MAGI2: variants seen among roughly 807,000 people sequenced by gnomAD.
The protein encoded by MAGI2 is membrane associated guanylate kinase, WW and PDZ domain containing 2, also known as membrane-associated guanylate kinase, WW and PDZ domain-containing protein 2.
A neutral mutation model predicts 133.3 loss-of-function variants in MAGI2; 35 were observed. The observed-to-expected ratio is 0.26, with a 90% CI of 0.20 to 0.35. MAGI2 has a LOEUF of 0.35. Ranked by LOEUF, MAGI2 falls within the 10% of genes least tolerant of loss-of-function variation. The pLI, the probability that MAGI2 is intolerant of heterozygous loss-of-function variation, is 1.00. For missense variants in MAGI2, 1,636 were observed against 1,863.4 expected (o/e 0.88, Z 2.25); for synonymous variants, 729 against 710.6 (o/e 1.03, Z -0.41).
intron 20 of MAGI2, among the ~76,000 whole-genome samples, chr7:78,112,578 C>T (rs1260107305): frequency 2.6e-5 from 4 of 152,344 alleles, no homozygotes; most frequent in Non-Finnish European, 4.4e-5. Flanking sequence ...CCTGGTTCAT[C>T]AGGTATCTTT....
chr7:78,507,501 A>G (rs1795192094), intron 4 of MAGI2, among the ~76,000 whole-genome samples: 1 of 152,182 alleles, frequency 6.6e-6, no homozygotes, highest in African/African-American at 2.4e-5. Context: ...TCTTCTGGGC[A>G]GAGTGAGTAA....
chr7:79,079,947 A>G (rs1410443286), intron 1 of MAGI2, among the ~76,000 whole-genome samples: 1 of 152,144 alleles, frequency 6.6e-6, no homozygotes, highest in East Asian at 1.9e-4. Context: ...AGGTACTAAC[A>G]TAATTATGTT....
chr7:79,449,173 C>A (rs1002243347), intron 1 of MAGI2, among the ~76,000 whole-genome samples: 2 of 152,108 alleles, frequency 1.3e-5, no homozygotes, highest in South Asian at 4.1e-4. Context: ...AGAGATCTGA[C>A]TCTATTATTC....
chr7:79,096,203 C>A (rs544864102), intron 1 of MAGI2, among the ~76,000 whole-genome samples: 130 of 152,170 alleles, frequency 8.5e-4, no homozygotes, highest in Admixed American at 1.9e-3. Flanking sequence ...TTAAATTAGA[C>A]CAATGGGAAG....
chr7:78,435,539 C>T (rs1800202275), intron 6 of MAGI2, among the ~76,000 whole-genome samples: 1 of 152,050 alleles, frequency 6.6e-6, no homozygotes, highest in African/African-American at 2.4e-5. Flanking sequence ...ACTCCATAAG[C>T]CAAGAAAACA....
chr7:78,269,809 C>T (rs895294434), intron 9 of MAGI2, among the ~76,000 whole-genome samples: 15 of 152,122 alleles, frequency 9.9e-5, no homozygotes, highest in Non-Finnish European at 1.8e-4. Flanking sequence ...GTTGCCATTG[C>T]TTTTGGTGTT....
chr7:78,916,119 C>T (rs969075380), intron 2 of MAGI2, among the ~76,000 whole-genome samples: 1 of 152,056 alleles, frequency 6.6e-6, no homozygotes, highest in Admixed American at 6.6e-5. Flanking sequence ...AAACCTACAA[C>T]TTAACAATCT....
At chr7:78,071,582 C>G (rs1814710326) in intron 21 of MAGI2, among the ~76,000 whole-genome samples, 1 of 152,156 alleles carries the variant, frequency 6.6e-6, no homozygotes, top group African/African-American at 2.4e-5. Context: ...CTCCATGAAG[C>G]AAGAACTTAT....
chr7:78,874,420 G>T (rs191446589), intron 2 of MAGI2, among the ~76,000 whole-genome samples: 11 of 152,182 alleles, frequency 7.2e-5, no homozygotes, highest in African/African-American at 1.2e-4. Flanking sequence ...TCTGGCTTTT[G>T]GTAATGGCGG....
chr7:78,251,616 C>A (rs1179959308), intron 10 of MAGI2: 1 of 152,018 alleles, frequency 6.6e-6, no homozygotes. Flanking sequence ...ATTCCATTGA[C>A]AATAACATCA....
chr7:78,275,982 G>A (rs968234526), intron 9 of MAGI2, among the ~76,000 whole-genome samples: 1 of 152,172 alleles, frequency 6.6e-6, no homozygotes, highest in Admixed American at 6.6e-5. Flanking sequence ...ATCAATGACT[G>A]TTGAGGCCAT....
chr7:78,309,571 T>C (rs1798523642), intron 9 of MAGI2, among the ~76,000 whole-genome samples: 1 of 145,144 alleles, frequency 6.9e-6, no homozygotes, highest in Admixed American at 7.0e-5. Flanking sequence ...TAGTGGGTAC[T>C]ATGCTCACTA....
chr7:78,795,746 T>C (rs1787549746), intron 2 of MAGI2, among the ~76,000 whole-genome samples: 1 of 151,998 alleles, frequency 6.6e-6, no homozygotes. Context: ...AATTATGTAA[T>C]AAAGCTATAA....
At chr7:79,167,889 G>C (rs2129548281) in intron 1 of MAGI2, among the ~76,000 whole-genome samples, 1 of 152,240 alleles carries the variant, frequency 6.6e-6, no homozygotes, top group South Asian at 2.1e-4. Context: ...GGAAGGTTGT[G>C]GGTTTAACGG....
At chr7:79,374,089 A>C (rs905441991) in intron 1 of MAGI2, among the ~76,000 whole-genome samples, 10 of 152,028 alleles carry the variant, frequency 6.6e-5, no homozygotes, top group Non-Finnish European at 1.2e-4. Context: ...GTACACAAAC[A>C]CACCTACATA....
chr7:78,046,423 A>C (rs1291494216), intron 21 of MAGI2, among the ~76,000 whole-genome samples: 11 of 151,400 alleles, frequency 7.3e-5, no homozygotes, highest in Non-Finnish European at 1.3e-4. Flanking sequence ...AAAAAAAAAC[A>C]AAGGAATGTG....
At chr7:78,699,450 C>T (rs1352738559) in intron 2 of MAGI2, among the ~76,000 whole-genome samples, 1 of 152,110 alleles carries the variant, frequency 6.6e-6, no homozygotes, top group Non-Finnish European at 1.5e-5. Context: ...TATGAAATTA[C>T]CTTCAGGCTA....
intron 1 of MAGI2, among the ~76,000 whole-genome samples, chr7:79,421,215 C>T (rs1846934718): frequency 6.6e-6 from 1 of 151,850 alleles, no homozygotes; most frequent in Non-Finnish European, 1.5e-5. Flanking sequence ...AAATGACTAT[C>T]TGTTTTGTTT....
chr7:78,829,520 T>C (rs1228640425), intron 2 of MAGI2, among the ~76,000 whole-genome samples: 1 of 152,044 alleles, frequency 6.6e-6, no homozygotes, highest in African/African-American at 2.4e-5. Flanking sequence ...AAACTATTGA[T>C]TATTCATCAA....
Sources: gnomAD v4.1 joint callset for allele counts (sites outside exome capture counted in the v4.1 genomes callset) on GRCh38, gnomAD v4.1.1 for gene constraint, MANE v1.5 for transcripts, NCBI Gene and HGNC (gene_info 2026-07-23, HGNC 2026-07-21) for gene names.